The following MID2 variants were observed in gnomAD, a reference collection of about 807,000 sequenced individuals.
MID2 encodes the protein probable E3 ubiquitin-protein ligase MID2.
In MID2, 13 loss-of-function variants were observed where a neutral mutation model predicts 46.1. The observed-to-expected ratio is 0.28, with a 90% CI of 0.18 to 0.45. MID2 has a LOEUF of 0.45. Among genes scored for constraint, MID2 ranks in the 20% least tolerant of loss-of-function variants. MID2 has a pLI of 1.00. For synonymous variants in MID2, 199 were observed against 212.3 expected (o/e 0.94, Z 0.55); for missense variants, 431 against 575.4 (o/e 0.75, Z 2.57).
chrX:107,833,872 C>T (rs187214500), intron 1 of MID2, among the ~76,000 whole-genome samples: 83 of 111,669 alleles, frequency 7.4e-4, no homozygotes, highest in Non-Finnish European at 1.2e-3. Flanking sequence ...CGGCTTACTG[C>T]AGCTTCGACC....
chrX:107,887,293 G>A (rs1465944118), intron 3 of MID2, among the ~76,000 whole-genome samples: 2 of 111,848 alleles, frequency 1.8e-5, no homozygotes, highest in East Asian at 2.8e-4. Flanking sequence ...TTTGAGATAC[G>A]TCCAATCAAT....
At chrX:107,914,747 C>T (rs755993181) in intron 5 of MID2, among the ~76,000 whole-genome samples, 1 of 112,338 alleles carries the variant, frequency 8.9e-6, no homozygotes, top group Non-Finnish European at 1.9e-5. Flanking sequence ...TCCAGATAAT[C>T]CTGATGTGTA....
intron 2 of MID2, among the ~76,000 whole-genome samples, chrX:107,852,772 TAGC>T (rs1931656228): frequency 1.8e-5 from 2 of 111,932 alleles, no homozygotes; most frequent in South Asian, 7.5e-4. Context: ...TACAGGTACT[TAGC>T]AGACAGAAAG....
intron 1 of MID2, among the ~76,000 whole-genome samples, chrX:107,829,007 G>A (rs1388933154): frequency 8.9e-6 from 1 of 111,832 alleles, no homozygotes; most frequent in Non-Finnish European, 1.9e-5. Context: ...AGCTTCCTTA[G>A]TAGCTGGGAC....
intron 3 of MID2, among the ~76,000 whole-genome samples, chrX:107,884,942 C>A (rs900914660): frequency 9.0e-6 from 1 of 111,407 alleles, no homozygotes; most frequent in Non-Finnish European, 1.9e-5. Flanking sequence ...CTTTCTAGGC[C>A]AAGCCATAAC....
chrX:107,846,606 C>A (rs1192696478), intron 2 of MID2, among the ~76,000 whole-genome samples: 1 of 111,399 alleles, frequency 9.0e-6, no homozygotes, highest in African/African-American at 3.3e-5. Context: ...CATCTCTACC[C>A]AAACTGTGCA....
chrX:107,911,455 T>A (rs1932896140), intron 5 of MID2, among the ~76,000 whole-genome samples: 1 of 112,066 alleles, frequency 8.9e-6, no homozygotes, highest in Non-Finnish European at 1.9e-5. Flanking sequence ...CATTCCTAAT[T>A]TTATTCACAA....
chrX:107,870,559 T>G (rs1932041423), intron 3 of MID2, among the ~76,000 whole-genome samples: 1 of 111,628 alleles, frequency 9.0e-6, no homozygotes, highest in East Asian at 2.8e-4. Context: ...TTAATAGATT[T>G]TAAAATCATG....
At chrX:107,887,783 T>C (rs1231515157) in intron 3 of MID2, among the ~76,000 whole-genome samples, 1 of 112,261 alleles carries the variant, frequency 8.9e-6, no homozygotes, top group Non-Finnish European at 1.9e-5. Context: ...AAGCTATTAA[T>C]TATTGCCTCA....
At chrX:107,836,933 G>A (rs764850846) in intron 1 of MID2, among the ~76,000 whole-genome samples, 3 of 112,046 alleles carry the variant, frequency 2.7e-5, no homozygotes, top group Non-Finnish European at 5.6e-5. Context: ...GGTTATTTTA[G>A]AGTACTAATG....
intron 5 of MID2, among the ~76,000 whole-genome samples, chrX:107,906,340 C>T (rs1217609926): frequency 1.8e-5 from 2 of 111,279 alleles, no homozygotes; most frequent in Admixed American, 9.5e-5. Context: ...CTCCCATTGC[C>T]TCTGCCATCA....
At chrX:107,873,869 G>A (rs952667145) in intron 3 of MID2, among the ~76,000 whole-genome samples, 1 of 109,955 alleles carries the variant, frequency 9.1e-6, no homozygotes, top group Non-Finnish European at 1.9e-5. Flanking sequence ...GAAGTTTCTC[G>A]CTTTCCAGAT....
chrX:107,833,251 G>A (rs180933308), intron 1 of MID2, among the ~76,000 whole-genome samples: 1 of 110,804 alleles, frequency 9.0e-6, no homozygotes, highest in African/African-American at 3.3e-5. Context: ...TAAAGAGATC[G>A]TCTGGTGATT....
intron 3 of MID2, among the ~76,000 whole-genome samples, chrX:107,873,560 G>A (rs1932123972): frequency 8.9e-6 from 1 of 111,885 alleles, no homozygotes; most frequent in African/African-American, 3.3e-5. Flanking sequence ...CCATCCTGGG[G>A]ACTGAAAGAT....
chrX:107,868,321 T>G (rs1316226245), intron 3 of MID2, among the ~76,000 whole-genome samples: 6 of 111,597 alleles, frequency 5.4e-5, no homozygotes, highest in Non-Finnish European at 9.4e-5. Context: ...TCATGGAAGC[T>G]GAAAGAAGAA....
chrX:107,870,753 C>CTTTTTTTTTTTTTT lies in MID2; in HGVS notation c.816+16054_816+16067dup, dbSNP rs59717985. On this transcript the variant is annotated intron_variant, in intron 3 of 9. Transcript: ENST00000262843. The stretch of plus-strand genomic sequence containing the variant: ...AATCAGCAAGCACTACAAATTGCGG[C>CTTTTTTTTTTTTTT]TTTTTTTTTTTTTTTTTTGAGAGCC... 2.7e-5 allele frequency among the ~76,000 whole-genome samples: 2 copies of CTTTTTTTTTTTTTT among 74,242 alleles called. 1 individual carries two copies. Among genetic ancestry groups the CTTTTTTTTTTTTTT allele is most frequent in the Non-Finnish European group, 5.3e-5 (2 of 37,597 alleles). 64.5% of individuals were successfully genotyped at this position (74,242 alleles called of 115,157 possible).
intron 3 of MID2, among the ~76,000 whole-genome samples, chrX:107,889,639 T>A (rs1932550474): frequency 9.0e-6 from 1 of 111,403 alleles, no homozygotes; most frequent in Admixed American, 9.5e-5. Flanking sequence ...GCATTCTCTG[T>A]ATTTCCTGAA....
At position 107,930,292 on chromosome X, in the gene MID2, A is replaced by G. The variant is rs1933260191; in HGVS notation, c.*3219A>G. Among the ~76,000 whole-genome samples, 1 of 111,830 alleles carries G rather than the reference A, an allele frequency of 8.9e-6. No individual in the cohort carries two copies. The highest frequency in any genetic ancestry group is 9.5e-5 in the Admixed American group (1 of 10,553). ...TTACTACTCCATTTGAGCTGTATTA[A>G]TTCTATTTTGCAGAGATATCAAGGC... is the stretch of plus-strand genomic sequence containing the variant. On this transcript the variant is annotated 3_prime_UTR_variant, in exon 10 of 10. Transcript: ENST00000262843.
chrX:107,926,617 C>T (rs1187670258), intron 9 of MID2, 54 bp from the exon 10 acceptor site: 3 of 1,092,964 alleles, frequency 2.7e-6, no homozygotes, highest in South Asian at 2.0e-5. Context: ...GTGTCTTACA[C>T]AACTCAGATA....
Sources: allele counts gnomAD v4.1 joint callset (sites outside exome capture counted in the v4.1 genomes callset), GRCh38; gene constraint gnomAD v4.1.1; transcripts MANE v1.5; gene names NCBI Gene and HGNC (gene_info 2026-07-23, HGNC 2026-07-21).